PGGT1B: variants seen among roughly 807,000 people sequenced by gnomAD.
PGGT1B encodes the protein geranylgeranyl transferase type-1 subunit beta.
PGGT1B carries 30 observed loss-of-function variants against 46.1 expected under a neutral mutation model. The ratio of observed to expected loss-of-function variants is 0.65; its 90% CI spans 0.49 to 0.88. The LOEUF (loss-of-function observed/expected upper bound fraction) is 0.88. Among genes scored for constraint, PGGT1B ranks in the 40% least tolerant of loss-of-function variants. The probability of loss-of-function intolerance (pLI) is 0.00; values close to 1 mark genes in which losing one functional copy is unlikely to be tolerated. For synonymous variants in PGGT1B, 170 were observed against 160.0 expected (o/e 1.06, Z -0.47); for missense variants, 376 against 455.9 (o/e 0.82, Z 1.60).
rs183154906 is a variant in PGGT1B, at chr5:115,230,144, A to G, written c.658+832T>C. 6.4e-4 allele frequency among the ~76,000 whole-genome samples: 97 copies of G among 152,168 alleles called. 2 individuals are homozygous for G. Among genetic ancestry groups the G allele is most frequent in the African/African-American group, 2.2e-3 (92 of 41,536 alleles). On this transcript the variant is annotated intron_variant, in intron 6 of 8. Coordinates refer to ENST00000419445, the MANE Select transcript of PGGT1B (RefSeq NM_005023.4). ...CCTAAAGAAAGATGGAATTCTTTCTACTCTGTTGATGAGGAAACCCTCCGA... is the reference window on the plus strand; with the variant it reads ...CCTAAAGAAAGATGGAATTCTTTCTGCTCTGTTGATGAGGAAACCCTCCGA...
intron 7 of PGGT1B, among the ~76,000 whole-genome samples, chr5:115,221,121 T>C (rs535680947): frequency 7.2e-5 from 11 of 152,094 alleles, no homozygotes; most frequent in Admixed American, 5.9e-4. Context: ...TTCAACCTTA[T>C]ACATAAATTT....
intron 3 of PGGT1B, among the ~76,000 whole-genome samples, chr5:115,240,564 C>T (rs955880454): frequency 2.0e-5 from 3 of 152,136 alleles, no homozygotes; most frequent in South Asian, 2.1e-4. Flanking sequence ...TAATTGGAGT[C>T]CTGCTGGTAA....
Position 115,230,897 on chromosome 5 carries a change from G to T in PGGT1B, c.658+79C>A, listed in dbSNP as rs570116075. 4.2e-5 allele frequency: 35 copies of T among 829,418 alleles called. No homozygotes were observed. In the East Asian group the frequency reaches 9.0e-4, roughly 21 times the overall value. The allele number at this position is 829,418 out of a possible 1,614,324, so 51.4% of individuals were successfully genotyped here. A position where few individuals can be genotyped will look rare whatever the true frequency, so the allele number is the denominator to read the frequency against. On this transcript the variant is annotated intron_variant, in intron 6 of 8. Coordinates refer to ENST00000419445, the MANE Select transcript of PGGT1B (RefSeq NM_005023.4). ...CCAAGGGTTGAGAAAAACTTCTGAG[G>T]TTCTCCATACTGAAGACACCAAGAT...
chr5:115,218,939 G>A (rs950492370), intron 7 of PGGT1B, among the ~76,000 whole-genome samples: 6 of 151,806 alleles, frequency 4.0e-5, no homozygotes, highest in African/African-American at 1.4e-4. Context: ...AAACATTGCT[G>A]AAAGAAATTG....
chr5:115,261,019 C>T (rs1483587225), intron 1 of PGGT1B, among the ~76,000 whole-genome samples: 1 of 152,178 alleles, frequency 6.6e-6, no homozygotes, highest in Non-Finnish European at 1.5e-5. Context: ...AATCAGCTCA[C>T]AGGACTTATA....
At chr5:115,245,944 C>G (rs1195111376) in intron 2 of PGGT1B, among the ~76,000 whole-genome samples, 3 of 152,130 alleles carry the variant, frequency 2.0e-5, no homozygotes, top group Non-Finnish European at 2.9e-5. Flanking sequence ...GATGAAGTAA[C>G]TAAGAAATCA....
At chr5:115,231,964 T>A (rs566152783) in intron 5 of PGGT1B, among the ~76,000 whole-genome samples, 1 of 152,174 alleles carries the variant, frequency 6.6e-6, no homozygotes, top group African/African-American at 2.4e-5. Flanking sequence ...TTTTTCAAAG[T>A]CTGTTAGGAA....
At chr5:115,250,753 T>C (rs1236026834) in intron 2 of PGGT1B, among the ~76,000 whole-genome samples, 1 of 152,158 alleles carries the variant, frequency 6.6e-6, no homozygotes, top group South Asian at 2.1e-4. Flanking sequence ...TAACCAGCAC[T>C]CAGCTCAAGA....
intron 5 of PGGT1B, among the ~76,000 whole-genome samples, chr5:115,233,753 C>T (rs972114588): frequency 5.3e-5 from 8 of 151,700 alleles, no homozygotes; most frequent in African/African-American, 1.9e-4. Context: ...CACTTTTCGA[C>T]TACCAGAAAA....
intron 6 of PGGT1B, among the ~76,000 whole-genome samples, chr5:115,229,022 C>A (rs551861178): frequency 7.2e-4 from 110 of 152,216 alleles, no homozygotes; most frequent in Non-Finnish European, 1.3e-3. Flanking sequence ...AGAGAGAACA[C>A]AATGACTTGA....
chr5:115,221,148 G>A (rs1292267014), intron 7 of PGGT1B, among the ~76,000 whole-genome samples: 6 of 151,960 alleles, frequency 3.9e-5, no homozygotes, highest in African/African-American at 1.2e-4. Flanking sequence ...AAAAAATTAG[G>A]ATATTATGGA....
At chr5:115,261,704 C>T (rs777166318) in intron 1 of PGGT1B, among the ~76,000 whole-genome samples, 2 of 152,118 alleles carry the variant, frequency 1.3e-5, no homozygotes, top group Non-Finnish European at 2.9e-5. Context: ...CCAATACATA[C>T]GTAATGTGAG....
intron 8 of PGGT1B, among the ~76,000 whole-genome samples, chr5:115,215,637 G>A (rs1041503040): frequency 3.3e-4 from 51 of 152,292 alleles, no homozygotes; most frequent in African/African-American, 1.2e-3. Context: ...GCAAGTAGGG[G>A]TGTAAGGAAA....
intron 6 of PGGT1B, among the ~76,000 whole-genome samples, chr5:115,227,399 AGAG>A (rs1399868697): frequency 6.6e-6 from 1 of 152,196 alleles, no homozygotes; most frequent in Non-Finnish European, 1.5e-5. Context: ...GGTTATGGTT[AGAG>A]GAGGTAAGCA....
chr5:115,218,953 A>G (rs1756507205), intron 7 of PGGT1B, among the ~76,000 whole-genome samples: 1 of 151,872 alleles, frequency 6.6e-6, no homozygotes, highest in Non-Finnish European at 1.5e-5. Context: ...GAAATTGAAG[A>G]CCACCTATAT....
intron 1 of PGGT1B, among the ~76,000 whole-genome samples, chr5:115,259,060 A>T (rs1748442494): frequency 6.6e-6 from 1 of 152,222 alleles, no homozygotes; most frequent in Non-Finnish European, 1.5e-5. Flanking sequence ...GATGCACAGG[A>T]GTATTCATCT....
At chr5:115,248,557 C>T (rs1297348475) in intron 2 of PGGT1B, among the ~76,000 whole-genome samples, 2 of 152,150 alleles carry the variant, frequency 1.3e-5, no homozygotes, top group African/African-American at 4.8e-5. Context: ...GAGAAGGACC[C>T]GATCCTCCAG....
At chr5:115,241,004 C>T (rs1002511491) in intron 3 of PGGT1B, among the ~76,000 whole-genome samples, 1 of 152,168 alleles carries the variant, frequency 6.6e-6, no homozygotes, top group Non-Finnish European at 1.5e-5. Flanking sequence ...GTGCTGGTAT[C>T]AAGGCCTTTG....
At chr5:115,255,471 C>T (rs796197270) in intron 1 of PGGT1B, among the ~76,000 whole-genome samples, 5 of 152,238 alleles carry the variant, frequency 3.3e-5, no homozygotes, top group African/African-American at 1.2e-4. Context: ...AGAGCTCTAA[C>T]AGGGTTTTTT....
Sources: gnomAD v4.1 joint callset for allele counts (sites outside exome capture counted in the v4.1 genomes callset) on GRCh38, gnomAD v4.1.1 for gene constraint, MANE v1.5 for transcripts, NCBI Gene and HGNC (gene_info 2026-07-23, HGNC 2026-07-21) for gene names.